EPHA6: variants seen among roughly 807,000 people sequenced by gnomAD.
EPHA6 encodes the protein ephrin type-A receptor 6.
In EPHA6, 50 loss-of-function variants were observed where a neutral mutation model predicts 112.0. The observed-to-expected ratio is 0.45, with a 90% confidence interval of 0.36 to 0.56. The LOEUF is 0.56. Ranked by LOEUF, EPHA6 falls within the 20% of genes least tolerant of loss-of-function variation. The pLI is 0.00. For synonymous variants in EPHA6, 529 were observed against 490.7 expected, an observed-to-expected ratio of 1.08 and a Z score of -1.03; for missense variants, 1,280 against 1,417.4, an observed-to-expected ratio of 0.90 and a Z score of 1.56.
At chr3:97,001,122 T>G (rs1317171930) in intron 3 of EPHA6, among the ~76,000 whole-genome samples, 3 of 150,338 alleles carry the variant, frequency 2.0e-5, no homozygotes, top group African/African-American at 7.4e-5. Flanking sequence ...TTTTTATAAA[T>G]TCAAACCTTA....
chr3:97,594,922 A>G (rs2093574825), intron 12 of EPHA6, among the ~76,000 whole-genome samples: 2 of 152,228 alleles, frequency 1.3e-5, no homozygotes, highest in African/African-American at 4.8e-5. Context: ...TAAGGGTCAC[A>G]TAAGACATTT....
At chr3:97,070,082 C>CCT (rs1180395635) in intron 3 of EPHA6, among the ~76,000 whole-genome samples, 2 of 152,072 alleles carry the variant, frequency 1.3e-5, no homozygotes, top group African/African-American at 4.8e-5. Flanking sequence ...GGAAAAGCTT[C>CCT]CTCGATGCTC....
intron 3 of EPHA6, among the ~76,000 whole-genome samples, chr3:97,214,481 C>CA (rs1166034294): frequency 0.018 from 1,113 of 62,722 alleles, 6 homozygotes; most frequent in African/African-American, 0.036. Flanking sequence ...AACTTTGTCT[C>CA]AAAAAAAAAA....
In EPHA6 at chr3:97,760,200, G is replaced by A. The variant is rs2036123550; in HGVS notation, c.*11499G>A. The A allele has an allele frequency of 5.5e-6, 1 of 180,408 alleles. No individual in the cohort carries two copies. The highest frequency in any genetic ancestry group is 2.0e-4 in the South Asian group (1 of 5,064). 11.2% of individuals were successfully genotyped at this position (180,408 alleles called of 1,614,324 possible). A position where few individuals can be genotyped will look rare whatever the true frequency, so the allele number is the denominator to read the frequency against. ...CTAATCTTTTAGTAAAAATTATTTT[G>A]TTTTCATATAGGAAAACAATGCCTT... On this transcript the variant is annotated 3_prime_UTR_variant, in exon 18 of 18. Transcript: ENST00000389672.
intron 6 of EPHA6, among the ~76,000 whole-genome samples, chr3:97,431,977 A>G (rs1284325942): frequency 2.0e-5 from 3 of 152,102 alleles, no homozygotes; most frequent in Non-Finnish European, 2.9e-5. Context: ...GTTTCATTGT[A>G]CCTATGACAG....
intron 3 of EPHA6, 133 bp downstream of exon 3, chr3:96,988,126 C>A: frequency 1.8e-6 from 1 of 566,498 alleles, no homozygotes; most frequent in Non-Finnish European, 2.9e-6. Context: ...ATAATGTATA[C>A]TGATCAGATC....
chr3:96,863,361 A>G (rs1239450982), intron 1 of EPHA6, among the ~76,000 whole-genome samples: 1 of 151,996 alleles, frequency 6.6e-6, no homozygotes, highest in East Asian at 1.9e-4. Flanking sequence ...CAACGTAATT[A>G]GTGTGCCTGA....
intron 3 of EPHA6, among the ~76,000 whole-genome samples, chr3:97,091,687 A>T (rs1011029289): frequency 6.6e-6 from 1 of 152,140 alleles, no homozygotes; most frequent in Non-Finnish European, 1.5e-5. Flanking sequence ...TAAAGGGAGA[A>T]TGACCACATT....
At chr3:97,461,755 T>A (rs2090896218) in intron 7 of EPHA6, among the ~76,000 whole-genome samples, 1 of 152,116 alleles carries the variant, frequency 6.6e-6, no homozygotes. Context: ...TTTATATAGG[T>A]GACATAAAAG....
chr3:97,748,140 A>G (rs1234935822), intron 17 of EPHA6, among the ~76,000 whole-genome samples: 1 of 152,148 alleles, frequency 6.6e-6, no homozygotes, highest in East Asian at 1.9e-4. Context: ...TTTTCTAGAT[A>G]TCAAAAATCC....
intron 2 of EPHA6, among the ~76,000 whole-genome samples, chr3:96,870,922 A>T (rs977109125): frequency 1.3e-5 from 2 of 152,040 alleles, no homozygotes; most frequent in Non-Finnish European, 2.9e-5. Context: ...ATAGTAGAAG[A>T]TTTCAGTATT....
At chr3:97,063,658 A>G (rs187268098) in intron 3 of EPHA6, among the ~76,000 whole-genome samples, 11 of 152,298 alleles carry the variant, frequency 7.2e-5, no homozygotes, top group Non-Finnish European at 1.2e-4. Context: ...ACGTTTACCT[A>G]TGAAACAAAC....
At chr3:97,601,100 T>C (rs2093639914) in intron 12 of EPHA6, among the ~76,000 whole-genome samples, 1 of 152,146 alleles carries the variant, frequency 6.6e-6, no homozygotes, top group Admixed American at 6.6e-5. Flanking sequence ...ATTTAAATTC[T>C]CCATTGAGAG....
At chr3:97,185,598 C>G (rs1275456153) in intron 3 of EPHA6, among the ~76,000 whole-genome samples, 1 of 152,020 alleles carries the variant, frequency 6.6e-6, no homozygotes, top group Non-Finnish European at 1.5e-5. Flanking sequence ...AACAGGAACA[C>G]TTTTACACTG....
chr3:97,502,167 CTT>C (rs773321621), intron 10 of EPHA6, among the ~76,000 whole-genome samples: 13 of 124,288 alleles, frequency 1.0e-4, no homozygotes, highest in Admixed American at 2.4e-4. Context: ...TAACTACCTG[CTT>C]TTTTTTTTTT....
chr3:97,048,900 G>A (rs1008034656), intron 3 of EPHA6, among the ~76,000 whole-genome samples: 11 of 152,150 alleles, frequency 7.2e-5, no homozygotes, highest in African/African-American at 2.7e-4. Context: ...TTGGGGAGCA[G>A]GGGGATGTGC....
chr3:96,856,525 G>A (rs536889068), intron 1 of EPHA6, among the ~76,000 whole-genome samples: 63 of 152,060 alleles, frequency 4.1e-4, no homozygotes, highest in Non-Finnish European at 8.8e-4. Context: ...GCCAATAAAG[G>A]ATAGGCAATA....
At chr3:97,428,422 T>G (rs1487523723) in intron 6 of EPHA6, among the ~76,000 whole-genome samples, 1 of 152,158 alleles carries the variant, frequency 6.6e-6, no homozygotes, top group Admixed American at 6.5e-5. Context: ...AGAATTTATA[T>G]CACTTTAGTA....
At chr3:97,073,120 A>G (rs957299551) in intron 3 of EPHA6, among the ~76,000 whole-genome samples, 10 of 152,006 alleles carry the variant, frequency 6.6e-5, no homozygotes, top group Admixed American at 5.9e-4. Context: ...TACCTGTGGC[A>G]CTCTACACCA....
Sources: allele counts gnomAD v4.1 joint callset (sites outside exome capture counted in the v4.1 genomes callset), GRCh38; gene constraint gnomAD v4.1.1; transcripts MANE v1.5; gene names NCBI Gene and HGNC (gene_info 2026-07-23, HGNC 2026-07-21).